Variants in SBF2 observed in about 807,000 individuals in gnomAD.
SBF2 encodes SET binding factor 2, also known as myotubularin-related protein 13.
SBF2 carries 112 observed loss-of-function variants against 225.2 expected under a neutral mutation model. The ratio of observed to expected loss-of-function variants is 0.50; its 90% CI spans 0.43 to 0.58. SBF2 has a LOEUF of 0.58. SBF2 is among the 20% of genes least tolerant of loss of function. SBF2 has a pLI of 0.00. For synonymous variants in SBF2, 763 were observed against 773.3 expected (o/e 0.99, Z 0.22); for missense variants, 1,996 against 2,206.2 (o/e 0.90, Z 1.91).
chr11:10,161,718 G>A (rs1239514001), intron 2 of SBF2, among the ~76,000 whole-genome samples: 1 of 151,528 alleles, frequency 6.6e-6, no homozygotes, highest in Non-Finnish European at 1.5e-5. Context: ...GGGCGTGGTG[G>A]CTCACGCCAG....
At position 9,781,449 on chromosome 11, in the gene SBF2, G is replaced by C. The variant is rs1236000053; in HGVS notation, c.5451+58C>G. ...TACTCTGAGGGCTCCATCATTCTTG[G>C]AGACAGACAGAATGATGTGCAGACA... On this transcript the variant is annotated intron_variant, in intron 39 of 39. Coordinates refer to ENST00000256190, the MANE Select transcript of SBF2 (RefSeq NM_030962.4). The C allele has an allele frequency of 2.5e-6, 4 of 1,606,016 alleles. No homozygotes were observed. In the African/African-American group the frequency reaches 5.3e-5, roughly 21 times the overall value.
chr11:9,877,723 A>G (rs1859382067), intron 17 of SBF2, among the ~76,000 whole-genome samples: 1 of 152,188 alleles, frequency 6.6e-6, no homozygotes, highest in African/African-American at 2.4e-5. Flanking sequence ...AAATGACATG[A>G]ACGCATCCTT....
chr11:9,920,094 T>C (rs550325519), intron 16 of SBF2, among the ~76,000 whole-genome samples: 4 of 151,906 alleles, frequency 2.6e-5, no homozygotes, highest in East Asian at 3.9e-4. Flanking sequence ...TCCAAAGAAA[T>C]AGAAATAAGA....
chr11:10,187,818 G>C (rs1258494979), intron 2 of SBF2, among the ~76,000 whole-genome samples: 3 of 152,128 alleles, frequency 2.0e-5, no homozygotes, highest in African/African-American at 2.4e-5. Context: ...ACAAAAGCTA[G>C]CATTACCTTA....
Position 10,182,759 on chromosome 11 carries a change from ATTGT to A in SBF2, c.141+11139_141+11142del, listed in dbSNP as rs766417924. Among the ~76,000 whole-genome samples, 69 of 143,014 alleles carry A rather than the reference ATTGT, an allele frequency of 4.8e-4. 1 individual carries two copies. Among genetic ancestry groups the A allele is most frequent in the African/African-American group, 1.5e-3 (55 of 35,526 alleles). The allele number at this position is 143,014 out of a possible 152,430, so 93.8% of individuals were successfully genotyped here. ...TTTTGTTGTTGTTGTTGTTGTTGTT[ATTGT>A]TTGTTTGTTGTTTTTTAATTTTTTT... On this transcript the variant is annotated intron_variant, in intron 2 of 39. Transcript: ENST00000256190.
chr11:10,034,625 C>A (rs1416301303), intron 3 of SBF2, among the ~76,000 whole-genome samples: 6 of 152,184 alleles, frequency 3.9e-5, no homozygotes, highest in Non-Finnish European at 8.8e-5. Context: ...TACTGTATCA[C>A]ACTAAAAATC....
At chr11:10,185,935 G>T (rs549068448) in intron 2 of SBF2, among the ~76,000 whole-genome samples, 10 of 151,968 alleles carry the variant, frequency 6.6e-5, no homozygotes, top group South Asian at 2.1e-4. Context: ...GCATATTTTT[G>T]ATTCAATCCT....
intron 1 of SBF2, among the ~76,000 whole-genome samples, chr11:10,284,186 G>A (rs1035802798): frequency 3.3e-5 from 5 of 152,062 alleles, no homozygotes; most frequent in Admixed American, 2.6e-4. Context: ...GTGACGTCTT[G>A]CAAAATTAAA....
chr11:10,184,788 G>A (rs1178955767), intron 2 of SBF2, among the ~76,000 whole-genome samples: 5 of 152,102 alleles, frequency 3.3e-5, no homozygotes, highest in African/African-American at 1.2e-4. Context: ...GTGCAATGGC[G>A]TGATCTCCGC....
Position 9,780,417 on chromosome 11 carries a change from A to G in SBF2, c.*1T>C. 1 of 1,612,868 alleles carries G rather than the reference A, an allele frequency of 6.2e-7. No homozygotes were observed. Among genetic ancestry groups the G allele is most frequent in the South Asian group, 1.1e-5 (1 of 91,040 alleles). ...TCTTCTGCGTGGGTTGACCATGGGC[A>G]TCAGGCATCAGAGATACAACTCTGG... On this transcript the variant is annotated 3_prime_UTR_variant, in exon 40 of 40. Transcript: ENST00000256190.
chr11:9,802,153 T>C (rs1438073946), intron 32 of SBF2, among the ~76,000 whole-genome samples: 2 of 152,228 alleles, frequency 1.3e-5, no homozygotes, highest in Non-Finnish European at 2.9e-5. Flanking sequence ...TCTCCTGATA[T>C]TATATTTTAA....
At chr11:9,836,266 A>T (rs1232477910) in intron 26 of SBF2, among the ~76,000 whole-genome samples, 1 of 152,148 alleles carries the variant, frequency 6.6e-6, no homozygotes, top group Non-Finnish European at 1.5e-5. Flanking sequence ...CCTTAATAAC[A>T]AACCTATTGT....
chr11:10,240,256 G>T (rs183307960), intron 1 of SBF2, among the ~76,000 whole-genome samples: 1 of 67,688 alleles, frequency 1.5e-5, no homozygotes. Flanking sequence ...ACAATTAAAA[G>T]AACAAAAAAA....
intron 2 of SBF2, among the ~76,000 whole-genome samples, chr11:10,061,551 G>A (rs944606031): frequency 2.6e-5 from 4 of 151,708 alleles, no homozygotes; most frequent in South Asian, 4.2e-4. Flanking sequence ...CAACAACAAC[G>A]AAACCGAGAG....
chr11:9,944,061 T>C (rs911537887), intron 16 of SBF2, among the ~76,000 whole-genome samples: 3 of 152,244 alleles, frequency 2.0e-5, no homozygotes, highest in African/African-American at 7.2e-5. Flanking sequence ...AAGCAACATG[T>C]ATGAATATCA....
At chr11:10,213,321 T>A (rs1440014025) in intron 1 of SBF2, among the ~76,000 whole-genome samples, 2 of 152,152 alleles carry the variant, frequency 1.3e-5, no homozygotes, top group African/African-American at 4.8e-5. Context: ...AAGTTTGGCA[T>A]CTCAACTTTA....
chr11:9,805,866 C>A lies in SBF2; in HGVS notation c.4443+2134G>T, dbSNP rs142126500. On this transcript the variant is annotated intron_variant, in intron 32 of 39. Transcript: ENST00000256190. ...TTTGATCTCTTACCTCGTGATCCAC[C>A]CACCTTGGCCTCCCAAAGTGCTGGG... Among the ~76,000 whole-genome samples the A allele has an allele frequency of 1.2e-3, 177 of 152,270 alleles. 1 individual carries two copies. Among genetic ancestry groups the A allele is most frequent in the African/African-American group, 4.1e-3 (169 of 41,540 alleles).
chr11:9,938,073 C>T (rs976681309), intron 16 of SBF2, among the ~76,000 whole-genome samples: 45 of 152,048 alleles, frequency 3.0e-4, no homozygotes, highest in African/African-American at 8.2e-4. Context: ...GGGCGGATCA[C>T]GCGGTCAGGA....
chr11:10,028,106 G>A (rs1949114880), intron 6 of SBF2, among the ~76,000 whole-genome samples: 1 of 151,878 alleles, frequency 6.6e-6, no homozygotes, highest in African/African-American at 2.4e-5. Context: ...TAGATATGGG[G>A]TCTCACTATG....
Sources: gnomAD v4.1 joint callset for allele counts (sites outside exome capture counted in the v4.1 genomes callset) on GRCh38, gnomAD v4.1.1 for gene constraint, MANE v1.5 for transcripts, NCBI Gene and HGNC (gene_info 2026-07-23, HGNC 2026-07-21) for gene names.